The following KHDRBS2 variants were observed in gnomAD, a reference collection of about 807,000 sequenced individuals.
The protein encoded by KHDRBS2 is KH domain-containing, RNA-binding, signal transduction-associated protein 2.
In KHDRBS2, 26 loss-of-function variants were observed where a neutral mutation model predicts 44.3. The ratio of observed to expected loss-of-function variants is 0.59; its 90% CI spans 0.43 to 0.81. The LOEUF (loss-of-function observed/expected upper bound fraction) is 0.81. KHDRBS2 is among the 40% of genes least tolerant of loss of function. The probability of loss-of-function intolerance (pLI) is 0.00; values close to 1 mark genes in which losing one functional copy is unlikely to be tolerated. For synonymous variants in KHDRBS2, 194 were observed against 151.1 expected (o/e 1.28, Z -2.08); for missense variants, 476 against 433.1 (o/e 1.10, Z -0.88).
chr6:62,272,373 A>C (rs1840230728), intron 1 of KHDRBS2, among the ~76,000 whole-genome samples: 1 of 152,208 alleles, frequency 6.6e-6, no homozygotes, highest in Non-Finnish European at 1.5e-5. Context: ...CCTTTTTCTT[A>C]GGTCCAACAC....
At chr6:61,750,746 A>T (rs2127568488) in intron 6 of KHDRBS2, among the ~76,000 whole-genome samples, 2 of 147,788 alleles carry the variant, frequency 1.4e-5, no homozygotes, top group East Asian at 2.0e-4. Flanking sequence ...CTCATTTATG[A>T]CCAGAGAAAA....
intron 2 of KHDRBS2, among the ~76,000 whole-genome samples, chr6:62,163,557 A>G (rs946849757): frequency 3.9e-5 from 6 of 152,156 alleles, no homozygotes; most frequent in East Asian, 1.9e-4. Context: ...TTTCTGCCTC[A>G]CTTAGCACCA....
At chr6:61,579,245 C>A in the KHDRBS2 span, among the ~76,000 whole-genome samples, 54 of 152,282 alleles carry the variant, frequency 3.5e-4, no homozygotes, top group African/African-American at 1.2e-3. Flanking sequence ...GGCTAAACTT[C>A]TCTTCGGTAA....
rs374783638 is a variant in KHDRBS2, at chr6:62,089,119, G to A, written c.220-41125C>T. Among the ~76,000 whole-genome samples, 16 of 152,240 alleles carry A rather than the reference G, an allele frequency of 1.1e-4. 1 individual carries two copies. In the South Asian group the frequency reaches 3.3e-3, roughly 32 times the overall value. On this transcript the variant is annotated intron_variant, in intron 2 of 8. Transcript: ENST00000281156. The stretch of plus-strand genomic sequence containing the variant: ...TTGACTTCAGACTGCTGTGCTGGCA[G>A]CAATAATTTCATACCAGTGTATCTC...
the KHDRBS2 span, among the ~76,000 whole-genome samples, chr6:61,565,461 T>G: frequency 6.6e-6 from 1 of 151,874 alleles, no homozygotes; most frequent in Non-Finnish European, 1.5e-5. Context: ...CTCAAACAAC[T>G]CAATAGCAAA....
intron 2 of KHDRBS2, among the ~76,000 whole-genome samples, chr6:62,054,753 T>C (rs146703534): frequency 1.3e-5 from 2 of 152,120 alleles, no homozygotes; most frequent in East Asian, 2.0e-4. Flanking sequence ...CTTAAAGGAA[T>C]GCAACCCTGC....
intron 7 of KHDRBS2, among the ~76,000 whole-genome samples, chr6:61,731,881 A>G (rs927918510): frequency 1.4e-4 from 21 of 152,220 alleles, no homozygotes; most frequent in Admixed American, 1.2e-3. Context: ...CACACTCAAA[A>G]TGTTACATTA....
At chr6:61,960,086 T>A (rs1434753683) in intron 4 of KHDRBS2, among the ~76,000 whole-genome samples, 1 of 35,230 alleles carries the variant, frequency 2.8e-5, no homozygotes, top group African/African-American at 4.3e-4. Flanking sequence ...TTCCCTGTAC[T>A]TTTCAGGCCC....
intron 3 of KHDRBS2, among the ~76,000 whole-genome samples, chr6:61,988,061 C>T (rs1453307666): frequency 6.6e-6 from 1 of 152,118 alleles, no homozygotes; most frequent in Non-Finnish European, 1.5e-5. Context: ...GTGCCAAACA[C>T]AAGTGATTAG....
intron 2 of KHDRBS2, among the ~76,000 whole-genome samples, chr6:62,050,441 A>G (rs200807167): frequency 1.1e-3 from 143 of 133,148 alleles, no homozygotes; most frequent in African/African-American, 2.7e-3. Context: ...AAAAAAAAAA[A>G]GGGGGTGAGA....
At chr6:61,976,205 A>G (rs1473815047) in intron 4 of KHDRBS2, among the ~76,000 whole-genome samples, 1 of 152,192 alleles carries the variant, frequency 6.6e-6, no homozygotes, top group African/African-American at 2.4e-5. Context: ...GCCTATAGGC[A>G]GCCATTCCAT....
chr6:61,673,961 C>T, the KHDRBS2 span, among the ~76,000 whole-genome samples: 5 of 151,594 alleles, frequency 3.3e-5, no homozygotes, highest in African/African-American at 7.3e-5. Context: ...GAGCCCGCAT[C>T]GCCAAGTCAA....
At chr6:61,561,534 G>T in the KHDRBS2 span, among the ~76,000 whole-genome samples, 1 of 152,074 alleles carries the variant, frequency 6.6e-6, no homozygotes. Flanking sequence ...CTATTCTACT[G>T]CAGCTTAGCT....
At chr6:62,031,245 G>T (rs1784290930) in intron 3 of KHDRBS2, among the ~76,000 whole-genome samples, 2 of 151,994 alleles carry the variant, frequency 1.3e-5, no homozygotes, top group South Asian at 4.1e-4. Flanking sequence ...GGAATAACCA[G>T]CAATGATACT....
At chr6:61,612,804 T>C in the KHDRBS2 span, among the ~76,000 whole-genome samples, 1 of 147,850 alleles carries the variant, frequency 6.8e-6, no homozygotes, top group African/African-American at 2.5e-5. Context: ...CTCTTCTCCA[T>C]AGGCAAAGTA....
Position 61,978,064 on chromosome 6 carries a change from A to T in KHDRBS2, c.483+2T>A. ...TCTTTGTAAAAAATGAAAGACACTTACAGGAACCAGGAATTTTTTAATCTC... is the reference window on the plus strand; with the variant it reads ...TCTTTGTAAAAAATGAAAGACACTTTCAGGAACCAGGAATTTTTTAATCTC... On this transcript the variant is annotated splice_donor_variant, in intron 4 of 8. Transcript: ENST00000281156. LOFTEE classifies it high-confidence loss of function. 1 of 1,588,752 alleles carries T rather than the reference A, an allele frequency of 6.3e-7. No homozygotes were observed. Among genetic ancestry groups the T allele is most frequent in the South Asian group, 1.2e-5 (1 of 85,182 alleles).
chr6:61,652,171 A>G, the KHDRBS2 span: 6 of 152,214 alleles, frequency 3.9e-5, no homozygotes, highest in South Asian at 1.2e-3. Flanking sequence ...GATCTGATAT[A>G]ATTAATAATT....
intron 6 of KHDRBS2, among the ~76,000 whole-genome samples, chr6:61,736,746 C>T (rs913897284): frequency 6.6e-6 from 1 of 151,946 alleles, no homozygotes; most frequent in Non-Finnish European, 1.5e-5. Context: ...GCTACTGATT[C>T]CTCAAGGTCA....
intron 4 of KHDRBS2, among the ~76,000 whole-genome samples, chr6:61,974,240 A>G (rs1227544320): frequency 6.6e-6 from 1 of 152,192 alleles, no homozygotes; most frequent in East Asian, 1.9e-4. Flanking sequence ...TCATGGTCCT[A>G]GGTAGTACTA....
Sources: allele counts gnomAD v4.1 joint callset (sites outside exome capture counted in the v4.1 genomes callset), GRCh38; gene constraint gnomAD v4.1.1; transcripts MANE v1.5; gene names NCBI Gene and HGNC (gene_info 2026-07-23, HGNC 2026-07-21).